The following PRCP variants were observed in gnomAD, a reference collection of about 807,000 sequenced individuals.
The protein encoded by PRCP is lysosomal Pro-X carboxypeptidase.
PRCP carries 46 observed loss-of-function variants against 54.2 expected under a neutral mutation model. The observed-to-expected ratio is 0.85, with a 90% CI of 0.67 to 1.09. The LOEUF is 1.09. Among genes scored for constraint, PRCP ranks in the 50% least tolerant of loss-of-function variants. PRCP has a pLI of 0.00. For synonymous variants in PRCP, 240 were observed against 212.2 expected, an observed-to-expected ratio of 1.13 and a Z score of -1.14; for missense variants, 613 against 596.8, an observed-to-expected ratio of 1.03 and a Z score of -0.28.
chr11:82,896,589 G>A (rs1387429861), intron 1 of PRCP, among the ~76,000 whole-genome samples: 3 of 147,914 alleles, frequency 2.0e-5, no homozygotes, highest in African/African-American at 5.0e-5. Flanking sequence ...TAAGGCAGGG[G>A]AATCACTTGA....
intron 1 of PRCP, among the ~76,000 whole-genome samples, chr11:82,871,527 T>C (rs920036422): frequency 3.3e-5 from 5 of 152,174 alleles, no homozygotes; most frequent in Non-Finnish European, 7.4e-5. Context: ...CTGACACCAC[T>C]GTTATAACTA....
chr11:82,853,320 G>GA (rs1565224513), intron 2 of PRCP, 42 bp from the exon 3 acceptor site: 8 of 1,540,776 alleles, frequency 5.2e-6, no homozygotes, highest in Admixed American at 1.8e-5. Context: ...ATCAGAATGT[G>GA]AAAAAAAGTC....
At chr11:82,844,747 A>AAGAAAG (rs1858763601) in intron 6 of PRCP, among the ~76,000 whole-genome samples, 1 of 136,056 alleles carries the variant, frequency 7.3e-6, no homozygotes, top group African/African-American at 2.9e-5. Flanking sequence ...AAAAAAAAAA[A>AAGAAAG]AAAGAAAGAA....
In PRCP at chr11:82,850,304, TC is replaced by T; in HGVS notation, c.593+19del. 1 of 1,458,906 alleles carries T rather than the reference TC, an allele frequency of 6.9e-7. No homozygotes were observed. 90.4% of individuals were successfully genotyped at this position (1,458,906 alleles called of 1,614,324 possible). A position where few individuals can be genotyped will look rare whatever the true frequency, so the allele number is the denominator to read the frequency against. ...TGATAATCATTAAGAAACGTTCATG[TC>T]CAGTACAAATGCACTTACCCAACTA... On this transcript the variant is annotated intron_variant, in intron 4 of 8. Coordinates refer to ENST00000313010, the MANE Select transcript of PRCP (RefSeq NM_005040.4).
rs1858885625 is a variant in PRCP, at chr11:82,849,219, C to A, written c.752-1G>T. On this transcript the variant is annotated splice_acceptor_variant, in intron 5 of 8. Transcript: ENST00000313010. LOFTEE classifies it high-confidence loss of function. ...CCAGTAAGCCACTGCAAACCACTGCCTGGGAATAGAATCACACTGTTGGAA... is the reference window on the plus strand; with the variant it reads ...CCAGTAAGCCACTGCAAACCACTGCATGGGAATAGAATCACACTGTTGGAA... 6.2e-7 allele frequency: 1 copy of A among 1,613,834 alleles called. No homozygotes were observed. Among genetic ancestry groups the A allele is most frequent in the African/African-American group, 1.3e-5 (1 of 75,012 alleles).
upstream of PRCP, chr11:82,900,958 T>C (rs2121299584): frequency 2.3e-6 from 1 of 428,980 alleles, no homozygotes; most frequent in South Asian, 1.7e-5. Context: ...TCTAACTAAA[T>C]CGTCACAGCA....
Position 82,865,483 on chromosome 11 carries a change from A to G in PRCP, c.169-5366T>C, listed in dbSNP as rs376324616. ...CTCCATTAGGCCACTGATAAAACCA[A>G]AATCACATTGGCTCCTTCTTGGCAG... On this transcript the variant is annotated intron_variant, in intron 1 of 8. Coordinates refer to ENST00000313010, the MANE Select transcript of PRCP (RefSeq NM_005040.4). 1.9e-3 allele frequency among the ~76,000 whole-genome samples: 287 copies of G among 152,342 alleles called. 1 individual carries two copies. The highest frequency in any genetic ancestry group is 0.01 in the Middle Eastern group (3 of 294).
chr11:82,827,058 A>G (rs542440583), intron 8 of PRCP: 2 of 152,252 alleles, frequency 1.3e-5, no homozygotes, highest in East Asian at 3.9e-4. Flanking sequence ...CCCACATACC[A>G]CTGGAAATTA....
chr11:82,835,615 C>A, intron 8 of PRCP: 1 of 310,860 alleles, frequency 3.2e-6, no homozygotes, highest in Non-Finnish European at 6.2e-6. Flanking sequence ...AAAAACCAGC[C>A]GAAGAAGTGG....
chr11:82,886,270 G>A (rs1859860215), intron 1 of PRCP, among the ~76,000 whole-genome samples: 1 of 152,074 alleles, frequency 6.6e-6, no homozygotes, highest in Non-Finnish European at 1.5e-5. Context: ...AATCAGCCAT[G>A]AACTTCCTGA....
chr11:82,893,988 T>A (rs1288654619), intron 1 of PRCP, among the ~76,000 whole-genome samples: 1 of 152,216 alleles, frequency 6.6e-6, no homozygotes, highest in Admixed American at 6.5e-5. Context: ...TTACACTACA[T>A]ATGTAATTTT....
At position 82,883,579 on chromosome 11, in the gene PRCP, C is replaced by A. The variant is rs1423158909; in HGVS notation, c.168+16656G>T. Among the ~76,000 whole-genome samples the A allele has an allele frequency of 2.6e-5, 4 of 152,144 alleles. No individual in the cohort carries two copies. The East Asian group carries it at 7.7e-4, about 29-fold the overall frequency. On this transcript the variant is annotated intron_variant, in intron 1 of 8. Transcript: ENST00000313010. Reference sequence around the variant, plus strand: ...TTTGCATTGTCTAAGCCTACACTAGCTAAGCAAGGGATGGGCATTCAAGAT... The same window carrying A: ...TTTGCATTGTCTAAGCCTACACTAGATAAGCAAGGGATGGGCATTCAAGAT...
At chr11:82,901,009 T>G (rs1860276006), upstream of PRCP, 1 of 391,742 alleles carries the variant, frequency 2.6e-6, no homozygotes. Flanking sequence ...CATCTACAGA[T>G]GTGGAAACTG....
intron 3 of PRCP, 50 bp from the exon 4 acceptor site, chr11:82,850,555 G>T: frequency 7.5e-7 from 1 of 1,338,998 alleles, no homozygotes; most frequent in Non-Finnish European, 9.9e-7. Flanking sequence ...CATAACAGCA[G>T]CTTAGGAATA....
intron 1 of PRCP, among the ~76,000 whole-genome samples, chr11:82,883,165 AAAT>A (rs1255406300): frequency 2.6e-5 from 4 of 152,218 alleles, no homozygotes; most frequent in Admixed American, 6.5e-5. Flanking sequence ...ACCAACATAT[AAAT>A]AAATAAAGCA....
In PRCP at chr11:82,838,444, C is replaced by T; in HGVS notation, c.1217G>A (p.Trp406Ter). 1.2e-6 allele frequency: 2 copies of T among 1,613,932 alleles called. No homozygotes were observed. Among genetic ancestry groups the T allele is most frequent in the Non-Finnish European group, 1.7e-6 (2 of 1,179,934 alleles). ...TTTGCCTCCATACATAGTAGTGATCCAGGAGGGCCTTGGTCTCACACCCCA... is the reference window on the plus strand; with the variant it reads ...TTTGCCTCCATACATAGTAGTGATCTAGGAGGGCCTTGGTCTCACACCCCA... Reference protein sequence around the residue: ...QQWGVRPRPSWITTMYGGKNI... With the variant: ...QQWGVRPRPS The change falls in exon 8 of 9, where the codon TGG becomes TAG. Residue 406 changes from tryptophan to a stop codon, truncating the protein, a stop_gained. Coordinates refer to ENST00000313010, the MANE Select transcript of PRCP (RefSeq NM_005040.4). LOFTEE classifies it high-confidence loss of function.
chr11:82,881,682 G>A (rs772485225), intron 1 of PRCP, among the ~76,000 whole-genome samples: 1 of 152,182 alleles, frequency 6.6e-6, no homozygotes, highest in Non-Finnish European at 1.5e-5. Flanking sequence ...CAAAGAAGGG[G>A]CAGAAACGAG....
chr11:82,888,986 T>C (rs1184841719), intron 1 of PRCP, among the ~76,000 whole-genome samples: 1 of 152,126 alleles, frequency 6.6e-6, no homozygotes, highest in Non-Finnish European at 1.5e-5. Flanking sequence ...AAAGATTATA[T>C]ATAACACAAG....
chr11:82,839,795 C>T (rs1160135228), intron 6 of PRCP: 1 of 224,636 alleles, frequency 4.5e-6, no homozygotes, highest in Non-Finnish European at 8.7e-6. Flanking sequence ...TCTCCCACTC[C>T]ACTAATGCCT....
Sources: allele counts gnomAD v4.1 joint callset (sites outside exome capture counted in the v4.1 genomes callset), GRCh38; gene constraint gnomAD v4.1.1; transcripts MANE v1.5; gene names NCBI Gene and HGNC (gene_info 2026-07-23, HGNC 2026-07-21).